DNAH2: variants seen among roughly 807,000 people sequenced by gnomAD.
The protein encoded by DNAH2 is axonemal beta dynein heavy chain 2.
In DNAH2, 323 loss-of-function variants were observed where a neutral mutation model predicts 523.5. That is an observed-to-expected ratio of 0.62 (90% confidence interval 0.56 to 0.68). The LOEUF is 0.68. DNAH2 is among the 30% of genes least tolerant of loss of function. The probability of loss-of-function intolerance (pLI) is 0.00; values close to 1 mark genes in which losing one functional copy is unlikely to be tolerated. For synonymous variants in DNAH2, 2,093 were observed against 2,177.4 expected, an observed-to-expected ratio of 0.96 and a Z score of 1.08; for missense variants, 4,907 against 5,701.5, an observed-to-expected ratio of 0.86 and a Z score of 4.49.
rs1210962027 is a variant in DNAH2 at position 7,808,369 on chromosome 17, GA to G, written c.9729+799del. Among the ~76,000 whole-genome samples the G allele has an allele frequency of 7.5e-3, 778 of 103,204 alleles. 5 individuals are homozygous for G. The highest frequency in any genetic ancestry group is 0.023 in the African/African-American group (597 of 26,214). 67.7% of individuals were successfully genotyped at this position (103,204 alleles called of 152,430 possible). On this transcript the variant is annotated intron_variant, in intron 63 of 85. Coordinates refer to ENST00000572933, the MANE Select transcript of DNAH2 (RefSeq NM_020877.5). ...CTGGCGACAGAGTGAGACTGTCTCA[GA>G]AAAAAAAAAAAAAAAGATGCATGCA...
intron 3 of DNAH2, among the ~76,000 whole-genome samples, chr17:7,723,960 C>T (rs780405286): frequency 6.6e-5 from 10 of 152,240 alleles, no homozygotes; most frequent in South Asian, 4.1e-4. Flanking sequence ...ATTCATCATG[C>T]GGGTGAACAC....
chr17:7,798,828 C>T lies in DNAH2; in HGVS notation c.8559+110C>T. The stretch of plus-strand genomic sequence containing the variant: ...CACTGGCACACCCCCACTGCCACAC[C>T]CCCACTGCCCACCTCAGCCCTGTAA... On this transcript the variant is annotated intron_variant, in intron 55 of 85. Coordinates refer to ENST00000572933, the MANE Select transcript of DNAH2 (RefSeq NM_020877.5). This position sits in a 1 kb window ranked among gnomAD's most constrained non-coding sequence, Gnocchi z 5.5. 2 of 1,038,032 alleles carry T rather than the reference C, an allele frequency of 1.9e-6. No homozygotes were observed. The highest frequency in any genetic ancestry group is 3.5e-4 in the Middle Eastern group (1 of 2,846). 64.3% of individuals were successfully genotyped at this position (1,038,032 alleles called of 1,614,324 possible).
At position 7,786,138 on chromosome 17, in the gene DNAH2, T is replaced by G. The variant is rs200765002; in HGVS notation, c.6144T>G (p.Val2048=). 3.7e-5 allele frequency: 59 copies of G among 1,613,886 alleles called. No individual in the cohort carries two copies. The highest frequency in any genetic ancestry group is 4.8e-5 in the Non-Finnish European group (57 of 1,179,974). ...CCTTCCCTCAGCTGCGGGAGACCGT[T>G]GAGCAGGAGATTCGAGACATGGGCC... ...VIDYGKLRET[V]EQEIRDMGLQ... The change falls in exon 40 of 86, where the codon GTT becomes GTG. Residue 2048 remains valine (V), a synonymous_variant. Coordinates refer to ENST00000572933, the MANE Select transcript of DNAH2 (RefSeq NM_020877.5). This position sits in a 1 kb window ranked among gnomAD's most constrained non-coding sequence, Gnocchi z 7.5.
At chr17:7,736,774 G>A (rs947497905) in intron 7 of DNAH2, among the ~76,000 whole-genome samples, 13 of 152,094 alleles carry the variant, frequency 8.5e-5, no homozygotes, top group Non-Finnish European at 1.6e-4. Context: ...TCAAAGTCAG[G>A]AGTTCGAGAC....
At position 7,817,574 on chromosome 17, in the gene DNAH2, A is replaced by G. The variant is rs2077709434; in HGVS notation, c.10034A>G (p.Gln3345Arg). Residue 3345 changes from glutamine (Q) to arginine (R), a missense_variant, in exon 66 of 86, where the codon CAG (glutamine) becomes CGG (arginine). By Grantham distance (43) the Gln-to-Arg change is conservative. Around this residue, in one of 3 missense-constraint regions of DNAH2, gnomAD observed 1,851 missense variants for 2,139.4 expected, o/e 0.87. Transcript: ENST00000572933. ...TTCTCTCCCCAGATCTGGGAGCTTC[A>G]GGTTCCTTGCTCCCCTTCTTTCGCC... ...QIWIGKIWEL[Q>R]VPCSPSFAID... The G allele has an allele frequency of 1.2e-6, 2 of 1,614,108 alleles. No individual in the cohort carries two copies. The highest frequency in any genetic ancestry group is 1.1e-5 in the South Asian group (1 of 91,076).
intron 11 of DNAH2, 91 bp from the exon 12 acceptor site, chr17:7,742,837 C>A: frequency 1.1e-6 from 1 of 876,402 alleles, no homozygotes; most frequent in Non-Finnish European, 1.6e-6. Context: ...GGGGTATGTG[C>A]GCATGCGCGC....
rs182402289 is a variant in DNAH2 at position 7,742,055 on chromosome 17, A to T, written c.1690-873A>T. On this transcript the variant is annotated intron_variant, in intron 11 of 85. Transcript: ENST00000572933. ...TAGAAGATACAGCCTCATGATCCAG[A>T]GACCTGGACAGGTGACACCCTTACA... 4.3e-4 allele frequency among the ~76,000 whole-genome samples: 65 copies of T among 152,286 alleles called. No individual in the cohort carries two copies. In the East Asian group the frequency reaches 8.3e-3, roughly 19 times the overall value.
At chr17:7,745,804 A>G (rs2151166743) in intron 12 of DNAH2, among the ~76,000 whole-genome samples, 1 of 152,032 alleles carries the variant, frequency 6.6e-6, no homozygotes, top group East Asian at 1.9e-4. Context: ...AAAAAAAAAA[A>G]AAAAAAGAAA....
intron 73 of DNAH2, 71 bp from the exon 74 acceptor site, chr17:7,823,371 G>GAGAT (rs55758061): frequency 1.4e-6 from 2 of 1,438,224 alleles, no homozygotes; most frequent in Non-Finnish European, 1.9e-6. Context: ...GAGAGAGAGA[G>GAGAT]GAGAAAAAGA....
In DNAH2 at chr17:7,765,954, T is replaced by G. The variant is rs185852408; in HGVS notation, c.3512-364T>G. Among the ~76,000 whole-genome samples, 6 of 152,088 alleles carry G rather than the reference T, an allele frequency of 3.9e-5. No homozygotes were observed. The East Asian group carries it at 1.2e-3, about 29-fold the overall frequency. ...CCACCACACCCGGCTAATTTTTGTA[T>G]TTTTAGTACAGACAGGGTTTTACCA... On this transcript the variant is annotated intron_variant, in intron 21 of 85. Transcript: ENST00000572933.
rs774715599 is a variant in DNAH2, at chr17:7,831,640, A to G, written c.12612-21A>G. On this transcript the variant is annotated intron_variant, in intron 81 of 85. Coordinates refer to ENST00000572933, the MANE Select transcript of DNAH2 (RefSeq NM_020877.5). The surrounding 1 kb of genome is among the most constrained non-coding windows in gnomAD (Gnocchi z 4.2). ...TTCCCAGGCCCACCTCATCTCTAACACTCCACCTCATCCTGCTCAGGTTCT... is the reference window on the plus strand; with the variant it reads ...TTCCCAGGCCCACCTCATCTCTAACGCTCCACCTCATCCTGCTCAGGTTCT... The G allele has an allele frequency of 1.4e-5, 22 of 1,612,630 alleles. 1 individual carries two copies. The South Asian group carries it at 2.3e-4, about 17-fold the overall frequency.
intron 9 of DNAH2, 92 bp downstream of exon 9, chr17:7,740,030 A>C: frequency 3.0e-6 from 3 of 1,010,538 alleles, no homozygotes; most frequent in Non-Finnish European, 4.0e-6. Flanking sequence ...TGCAAAGGAA[A>C]TGGTGGAAGG....
At chr17:7,819,584 T>C (rs1234155730) in intron 72 of DNAH2, among the ~76,000 whole-genome samples, 176 bp downstream of exon 72, 2 of 152,242 alleles carry the variant, frequency 1.3e-5, no homozygotes, top group East Asian at 3.8e-4. Flanking sequence ...GGGCTGATGA[T>C]TCCCTGTCTT....
chr17:7,757,098 C>T lies in DNAH2; in HGVS notation c.1912C>T (p.Leu638=), dbSNP rs151294623. 341 of 1,614,166 alleles carry T rather than the reference C, an allele frequency of 2.1e-4. 1 individual carries two copies. In the African/African-American group the frequency reaches 4.0e-3, roughly 19 times the overall value. ...MLDVNFDKSL[L]ILFAEIDYWE... is the part of the protein sequence containing the mutation. Reference sequence around the variant, plus strand: ...GGCTGCTCTCTCTCAAAGGTCCCTTCTGATTCTCTTTGCGGAAATTGACTA... The same window carrying T: ...GGCTGCTCTCTCTCAAAGGTCCCTTTTGATTCTCTTTGCGGAAATTGACTA... Residue 638 remains leucine (L), a synonymous_variant, in exon 13 of 86, where the codon CTG becomes TTG. Coordinates refer to ENST00000572933, the MANE Select transcript of DNAH2 (RefSeq NM_020877.5).
intron 4 of DNAH2, 77 bp downstream of exon 4, chr17:7,727,369 G>C: frequency 6.5e-7 from 1 of 1,537,554 alleles, no homozygotes; most frequent in African/African-American, 1.4e-5. Context: ...TCATCCTTAA[G>C]TCTTGTCATC....
Position 7,794,320 on chromosome 17 carries a change from C to T in DNAH2, c.7636C>T (p.Arg2546Trp), listed in dbSNP as rs779476880. The T allele has an allele frequency of 1.3e-5, 21 of 1,609,944 alleles. No homozygotes were observed. Among genetic ancestry groups the T allele is most frequent in the South Asian group, 8.9e-5 (8 of 90,370 alleles). Residue 2546 changes from arginine (R) to tryptophan (W), a missense_variant, in exon 49 of 86, where the codon CGG becomes TGG. Physicochemically the swap from Arg to Trp is moderately radical, Grantham distance 101 (BLOSUM62 -3). Transcript: ENST00000572933. Reference protein sequence around the residue: ...GGRTVISPRLRSRFNIINMTF... With the variant: ...GGRTVISPRLWSRFNIINMTF... ...ACGGACTGTCATCTCCCCAAGGCTA[C>T]GGAGTCGCTTCAACATTATCAACAT...
At chr17:7,808,367 C>G (rs1021540046) in intron 63 of DNAH2, among the ~76,000 whole-genome samples, 1 of 129,156 alleles carries the variant, frequency 7.7e-6, no homozygotes, top group African/African-American at 3.0e-5. Context: ...GAGACTGTCT[C>G]AGAAAAAAAA....
intron 49 of DNAH2, among the ~76,000 whole-genome samples, chr17:7,795,095 T>G (rs2077026542): frequency 1.3e-5 from 2 of 151,840 alleles, no homozygotes; most frequent in Admixed American, 1.3e-4. Flanking sequence ...ACTGGAGAAG[T>G]ATGTGGGGCC....
intron 30 of DNAH2, among the ~76,000 whole-genome samples, chr17:7,775,734 G>C (rs971379807): frequency 4.0e-4 from 59 of 148,892 alleles, no homozygotes; most frequent in African/African-American, 1.4e-3. Flanking sequence ...AGTTCAACTG[G>C]CTCCATGAGG....
Sources: allele counts gnomAD v4.1 joint callset (sites outside exome capture counted in the v4.1 genomes callset), GRCh38; gene constraint gnomAD v4.1.1; regional missense constraint gnomAD v4.1.1; non-coding constraint Gnocchi (gnomAD v3.1); transcripts MANE v1.5; gene names NCBI Gene and HGNC (gene_info 2026-07-23, HGNC 2026-07-21).